DGLUCY: variants seen among roughly 807,000 people sequenced by gnomAD.
The protein encoded by DGLUCY is D-glutamate cyclase, mitochondrial.
In DGLUCY, 58 loss-of-function variants were observed where a neutral mutation model predicts 58.5. The observed-to-expected ratio is 0.99, with a 90% CI of 0.80 to 1.23. DGLUCY has a LOEUF of 1.23. DGLUCY is among the 50% of genes most tolerant of loss of function. The probability of loss-of-function intolerance (pLI) is 0.00; values close to 1 mark genes in which losing one functional copy is unlikely to be tolerated. For missense variants in DGLUCY, 779 were observed against 784.7 expected, an observed-to-expected ratio of 0.99 and a Z score of 0.09; for synonymous variants, 325 against 314.1, an observed-to-expected ratio of 1.03 and a Z score of -0.37.
At chr14:91,074,104 A>ATT (rs1376036259) in intron 1 of DGLUCY, among the ~76,000 whole-genome samples, 1 of 96,066 alleles carries the variant, frequency 1.0e-5, no homozygotes, top group Non-Finnish European at 1.9e-5. Context: ...AAAAAAAAAA[A>ATT]ATATATATAT....
intron 11 of DGLUCY, among the ~76,000 whole-genome samples, 153 bp downstream of exon 11, chr14:91,200,058 A>G (rs780735395): frequency 2.6e-5 from 4 of 152,002 alleles, no homozygotes; most frequent in Non-Finnish European, 5.9e-5. Flanking sequence ...GGGTTCGAGC[A>G]ATTCTTCTGC....
rs141519595 is a variant in DGLUCY, at chr14:91,138,218, G to A, written c.-81-19421G>A. Among the ~76,000 whole-genome samples, 28 of 152,244 alleles carry A rather than the reference G, an allele frequency of 1.8e-4. No individual in the cohort carries two copies. In the East Asian group the frequency reaches 5.0e-3, roughly 27 times the overall value. On this transcript the variant is annotated intron_variant, in intron 1 of 13. Transcript: ENST00000256324. ...GCTATAAAGAAATACGCAGCTGGGC[G>A]CGGTGGCTCACACCTGTAATCCCAG...
At chr14:91,181,064 T>C in intron 7 of DGLUCY, 122 bp from the exon 8 acceptor site, 1 of 801,158 alleles carries the variant, frequency 1.2e-6, no homozygotes. Context: ...GCAGGTGGTA[T>C]AGGGAGTGCT....
intron 12 of DGLUCY, among the ~76,000 whole-genome samples, chr14:91,212,563 A>G (rs1885853359): frequency 6.6e-6 from 1 of 151,478 alleles, no homozygotes; most frequent in Non-Finnish European, 1.5e-5. Flanking sequence ...ATGGCCAGGC[A>G]TAGTGGCTCA....
At chr14:91,189,280 C>T (rs1422990707) in intron 9 of DGLUCY, 110 bp downstream of exon 9, 1 of 1,396,200 alleles carries the variant, frequency 7.2e-7, no homozygotes, top group Non-Finnish European at 9.9e-7. Context: ...CTCAGAACAA[C>T]TCCGTTGTAA....
At chr14:91,169,566 T>C (rs1386900485) in intron 4 of DGLUCY, among the ~76,000 whole-genome samples, 2 of 152,154 alleles carry the variant, frequency 1.3e-5, no homozygotes, top group East Asian at 3.9e-4. Context: ...TGTACCACCA[T>C]GCCTGGCTAG....
Position 91,156,245 on chromosome 14 carries a change from C to G in DGLUCY, c.-81-1394C>G, listed in dbSNP as rs144321517. Among the ~76,000 whole-genome samples, 445 of 152,042 alleles carry G rather than the reference C, an allele frequency of 2.9e-3. 4 individuals carry two copies. The highest frequency in any genetic ancestry group is 0.01 in the African/African-American group (423 of 41,468). On this transcript the variant is annotated intron_variant, in intron 1 of 13. Transcript: ENST00000256324. The stretch of plus-strand genomic sequence containing the variant: ...TCTCCTGCCTCAGCCTCCCGGGTAG[C>G]TGGGATTACAGGCATGCACCACCAC...
At chr14:91,211,949 C>T (rs1293176503) in intron 12 of DGLUCY, among the ~76,000 whole-genome samples, 3 of 152,114 alleles carry the variant, frequency 2.0e-5, no homozygotes, top group Non-Finnish European at 2.9e-5. Context: ...TACAGGCACA[C>T]GCCAACATGC....
At chr14:91,146,029 G>A (rs2046995217) in intron 1 of DGLUCY, among the ~76,000 whole-genome samples, 1 of 152,058 alleles carries the variant, frequency 6.6e-6, no homozygotes, top group East Asian at 1.9e-4. Flanking sequence ...CAGCTACCAT[G>A]CCTAGCTAAT....
intron 1 of DGLUCY, among the ~76,000 whole-genome samples, chr14:91,115,670 A>C (rs2044884177): frequency 6.6e-6 from 1 of 152,172 alleles, no homozygotes; most frequent in South Asian, 2.1e-4. Flanking sequence ...CTGGCCTCCC[A>C]AAGTGCTGGG....
intron 1 of DGLUCY, among the ~76,000 whole-genome samples, chr14:91,083,718 G>T (rs544810746): frequency 2.4e-4 from 36 of 151,180 alleles, no homozygotes; most frequent in Admixed American, 6.6e-4. Context: ...TGTTTTTCTG[G>T]TTTTTTTTTA....
upstream of DGLUCY, among the ~76,000 whole-genome samples, chr14:91,104,718 G>A (rs2044558721): frequency 6.6e-6 from 1 of 152,120 alleles, no homozygotes; most frequent in Admixed American, 6.6e-5. Flanking sequence ...CTGGGCTCTC[G>A]GATTTCTCTT....
At position 91,172,734 on chromosome 14, in the gene DGLUCY, C is replaced by T. The variant is rs2048636970; in HGVS notation, c.457-555C>T. Among the ~76,000 whole-genome samples, 3 of 151,982 alleles carry T rather than the reference C, an allele frequency of 2.0e-5. No individual in the cohort carries two copies. The South Asian group carries it at 6.2e-4, about 32-fold the overall frequency. ...TGATTTCGGCTCACTGCAATCTCCGCCTCCTGGGTTCAAGCCGTTCTCCTG... is the reference window on the plus strand; with the variant it reads ...TGATTTCGGCTCACTGCAATCTCCGTCTCCTGGGTTCAAGCCGTTCTCCTG... On this transcript the variant is annotated intron_variant, in intron 5 of 13. Coordinates refer to ENST00000256324, the MANE Select transcript of DGLUCY (RefSeq NM_001102368.3).
chr14:91,141,828 G>C (rs1260998496), intron 1 of DGLUCY, among the ~76,000 whole-genome samples: 1 of 151,652 alleles, frequency 6.6e-6, no homozygotes, highest in Non-Finnish European at 1.5e-5. Context: ...GGGGATTACA[G>C]GCGTGAGTCA....
At chr14:91,117,237 G>C (rs1457026759) in intron 1 of DGLUCY, among the ~76,000 whole-genome samples, 2 of 152,226 alleles carry the variant, frequency 1.3e-5, no homozygotes, top group Non-Finnish European at 2.9e-5. Flanking sequence ...AGGACGACCA[G>C]AGGTCACTTT....
intron 1 of DGLUCY, among the ~76,000 whole-genome samples, chr14:91,117,484 A>G (rs2045047302): frequency 6.6e-6 from 1 of 152,194 alleles, no homozygotes; most frequent in African/African-American, 2.4e-5. Context: ...TGGCCACTCA[A>G]TACCTATGAG....
At position 91,160,251 on chromosome 14, in the gene DGLUCY, C is replaced by G; in HGVS notation, c.-29-15C>G. Reference sequence around the variant, plus strand: ...CCACACTTTCTAATTTGTTCCCTTTCCTTCCCTCACCCAGATTCTCTGCTA... The same window carrying G: ...CCACACTTTCTAATTTGTTCCCTTTGCTTCCCTCACCCAGATTCTCTGCTA... On this transcript the variant is annotated splice_polypyrimidine_tract_variant and intron_variant, in intron 2 of 13. Transcript: ENST00000256324. The G allele has an allele frequency of 4.7e-6, 7 of 1,498,366 alleles. No individual in the cohort carries two copies. The highest frequency in any genetic ancestry group is 6.5e-6 in the Non-Finnish European group (7 of 1,075,572). The allele number at this position is 1,498,366 out of a possible 1,614,324, so 92.8% of individuals were successfully genotyped here.
chr14:91,122,625 T>G (rs1281437605), intron 1 of DGLUCY, among the ~76,000 whole-genome samples: 2 of 95,826 alleles, frequency 2.1e-5, no homozygotes, highest in Non-Finnish European at 2.4e-5. Flanking sequence ...TTTTTTGAGA[T>G]AGAGTCTCAC....
At chr14:91,060,452 A>G in exon 1 of DGLUCY, 1 of 1,435,146 alleles carries the variant, frequency 7.0e-7, no homozygotes, top group African/African-American at 1.5e-5. Context: ...TTTTTTTCCG[A>G]TCCCGCGGGT....
Sources: gnomAD v4.1 joint callset for allele counts (sites outside exome capture counted in the v4.1 genomes callset) on GRCh38, gnomAD v4.1.1 for gene constraint, MANE v1.5 for transcripts, NCBI Gene and HGNC (gene_info 2026-07-23, HGNC 2026-07-21) for gene names.